ROBO2: variants seen among roughly 807,000 people sequenced by gnomAD.
The protein encoded by ROBO2 is roundabout guidance receptor 2.
Under a neutral mutation model 160.8 loss-of-function variants are expected in ROBO2, and 53 were observed. The ratio of observed to expected loss-of-function variants is 0.33; its 90% CI spans 0.26 to 0.41. The LOEUF (loss-of-function observed/expected upper bound fraction) is 0.41. ROBO2 is among the 10% of genes least tolerant of loss of function. The pLI, the probability that ROBO2 is intolerant of heterozygous loss-of-function variation, is 1.00. For missense variants in ROBO2, 1,577 were observed against 1,722.4 expected (o/e 0.92, Z 1.49); for synonymous variants, 664 against 611.7 (o/e 1.09, Z -1.26).
Position 77,333,125 on chromosome 3 carries a change from A to G in ROBO2, c.389-144289A>G, listed in dbSNP as rs1325563270. Among the ~76,000 whole-genome samples the G allele has an allele frequency of 3.3e-5, 5 of 152,316 alleles. No individual in the cohort carries two copies. In the East Asian group the frequency reaches 9.6e-4, roughly 29 times the overall value. On this transcript the variant is annotated intron_variant, in intron 2 of 25. Coordinates refer to ENST00000461745, the Ensembl canonical transcript of ROBO2. ...TTGACCAGATACAATGCATATGATTATGGTTATTCTAGCTTAAGCCAGTTT... is the reference window on the plus strand; with the variant it reads ...TTGACCAGATACAATGCATATGATTGTGGTTATTCTAGCTTAAGCCAGTTT...
intron 2 of ROBO2, among the ~76,000 whole-genome samples, chr3:75,962,224 C>T (rs1948941455): frequency 6.6e-6 from 1 of 151,698 alleles, no homozygotes; most frequent in Admixed American, 6.6e-5. Flanking sequence ...TGATTAACAT[C>T]TGACTTTTCA....
intron 2 of ROBO2, among the ~76,000 whole-genome samples, chr3:76,836,710 T>A (rs2109431627): frequency 6.6e-6 from 1 of 151,976 alleles, no homozygotes; most frequent in African/African-American, 2.4e-5. Context: ...ATCTTTCTTT[T>A]ATTGGTTTTT....
chr3:77,477,367 A>G, intron 2 of ROBO2, 47 bp from the exon 3 acceptor site: 1 of 1,594,156 alleles, frequency 6.3e-7, no homozygotes, highest in South Asian at 1.1e-5. Context: ...CAAAAAGCCT[A>G]AGTTACTGTC....
At chr3:75,955,480 A>G (rs981685993) in intron 2 of ROBO2, among the ~76,000 whole-genome samples, 2 of 151,508 alleles carry the variant, frequency 1.3e-5, no homozygotes, top group Admixed American at 6.6e-5. Flanking sequence ...AAGTCTTAAA[A>G]GATAATGTTT....
intron 2 of ROBO2, among the ~76,000 whole-genome samples, chr3:76,560,579 A>C (rs939001438): frequency 6.0e-5 from 9 of 150,218 alleles, no homozygotes; most frequent in Admixed American, 2.0e-4. Flanking sequence ...TACTGATATG[A>C]CTACTAGTAC....
chr3:76,200,493 G>C (rs190212738), intron 2 of ROBO2, among the ~76,000 whole-genome samples: 1 of 152,198 alleles, frequency 6.6e-6, no homozygotes, highest in African/African-American at 2.4e-5. Flanking sequence ...ATGTCAAAGA[G>C]GCATATTTGG....
intron 2 of ROBO2, among the ~76,000 whole-genome samples, chr3:76,771,935 T>A (rs2061931464): frequency 6.6e-6 from 1 of 151,344 alleles, no homozygotes; most frequent in Admixed American, 6.6e-5. Flanking sequence ...GTAATTCTAA[T>A]TTTTAAATTA....
At chr3:77,375,201 G>T (rs1366436826) in intron 2 of ROBO2, among the ~76,000 whole-genome samples, 1 of 152,254 alleles carries the variant, frequency 6.6e-6, no homozygotes, top group Non-Finnish European at 1.5e-5. Context: ...AACAGAGCAA[G>T]ACCTTGTCTC....
At chr3:77,274,506 A>G (rs2059700515) in intron 2 of ROBO2, among the ~76,000 whole-genome samples, 1 of 152,124 alleles carries the variant, frequency 6.6e-6, no homozygotes. Context: ...TCACTTTGAA[A>G]CCACTTTGAA....
intron 2 of ROBO2, among the ~76,000 whole-genome samples, chr3:76,244,176 C>T (rs1375298513): frequency 6.6e-6 from 1 of 152,200 alleles, no homozygotes; most frequent in African/African-American, 2.4e-5. Flanking sequence ...TCAATGTACA[C>T]AGCCTGTAAG....
chr3:76,065,941 T>G lies in ROBO2; in HGVS notation c.109+128339T>G, dbSNP rs957883559. On this transcript the variant is annotated intron_variant, in intron 2 of 26. Coordinates refer to the ROBO2 transcript ENST00000487694. ...TAATCTTTCTCTACTCCTGTATTATTCCCTGCTCACAACAGCTGCTCTTAA... is the reference window on the plus strand; with the variant it reads ...TAATCTTTCTCTACTCCTGTATTATGCCCTGCTCACAACAGCTGCTCTTAA... Among the ~76,000 whole-genome samples, 38 of 151,800 alleles carry G rather than the reference T, an allele frequency of 2.5e-4. 2 individuals carry two copies. The highest frequency in any genetic ancestry group is 3.9e-4 in the East Asian group (2 of 5,184).
intron 2 of ROBO2, among the ~76,000 whole-genome samples, chr3:77,468,373 T>C (rs2083003823): frequency 6.6e-6 from 1 of 152,176 alleles, no homozygotes; most frequent in Non-Finnish European, 1.5e-5. Flanking sequence ...CCACATGTGA[T>C]CCAAGAGTTT....
rs188279702 is a variant in ROBO2 at position 77,595,245 on chromosome 3, A to G, written c.2726+61A>G. ...TTTTAATCAGGACTGGGGAAACTCT[A>G]TAGTAAGAGCCTATTATTGTAATAA... On this transcript the variant is annotated intron_variant, in intron 18 of 25. Transcript: ENST00000461745. 13 of 1,233,746 alleles carry G rather than the reference A, an allele frequency of 1.1e-5. No homozygotes were observed. The African/African-American group carries it at 1.8e-4, about 17-fold the overall frequency. 76.4% of individuals were successfully genotyped at this position (1,233,746 alleles called of 1,614,324 possible).
intron 2 of ROBO2, among the ~76,000 whole-genome samples, chr3:77,102,677 T>C (rs2072139790): frequency 1.3e-5 from 2 of 151,952 alleles, no homozygotes; most frequent in African/African-American, 4.8e-5. Flanking sequence ...TCTTGACTGA[T>C]TTTTTGGAAG....
chr3:77,317,260 G>C (rs1466313947), intron 2 of ROBO2: 2 of 774,456 alleles, frequency 2.6e-6, no homozygotes, highest in Non-Finnish European at 4.6e-6. Flanking sequence ...CTTGCACCCT[G>C]TCTTGATTTT....
chr3:76,355,075 G>A (rs943972938), intron 2 of ROBO2, among the ~76,000 whole-genome samples: 8 of 150,950 alleles, frequency 5.3e-5, no homozygotes, highest in African/African-American at 1.5e-4. Context: ...TATGCATGGG[G>A]GTGTTTGTGT....
At chr3:76,386,694 G>A (rs1016287616) in intron 2 of ROBO2, among the ~76,000 whole-genome samples, 5 of 151,980 alleles carry the variant, frequency 3.3e-5, no homozygotes, top group African/African-American at 1.2e-4. Flanking sequence ...TATCAAAAAA[G>A]GGAGTTTAAA....
intron 1 of ROBO2, among the ~76,000 whole-genome samples, chr3:77,080,641 C>T (rs1184221894): frequency 1.3e-5 from 2 of 152,132 alleles, no homozygotes; most frequent in Middle Eastern, 6.3e-3. Context: ...CCCCTATCCC[C>T]TCTCTGCTCG....
chr3:77,525,107 T>C (rs2091004071), intron 6 of ROBO2, among the ~76,000 whole-genome samples: 1 of 151,364 alleles, frequency 6.6e-6, no homozygotes, highest in Non-Finnish European at 1.5e-5. Context: ...ATAAATGAAA[T>C]GTGCAGCCTT....
Sources: allele counts gnomAD v4.1 joint callset (sites outside exome capture counted in the v4.1 genomes callset), GRCh38; gene constraint gnomAD v4.1.1; transcripts MANE v1.5; gene names NCBI Gene and HGNC (gene_info 2026-07-23, HGNC 2026-07-21).